Variants in MB21D2 observed in about 807,000 individuals in gnomAD.
MB21D2 encodes the protein nucleotidyltransferase MB21D2.
In MB21D2, 9 loss-of-function variants were observed where a neutral mutation model predicts 33.3. That is an observed-to-expected ratio of 0.27 (90% confidence interval 0.16 to 0.47). The LOEUF is 0.47. Ranked by LOEUF, MB21D2 falls within the 20% of genes least tolerant of loss-of-function variation. The probability of loss-of-function intolerance (pLI) is 0.99; values close to 1 mark genes in which losing one functional copy is unlikely to be tolerated. For synonymous variants in MB21D2, 241 were observed against 236.3 expected (o/e 1.02, Z -0.18); for missense variants, 540 against 624.6 (o/e 0.86, Z 1.44).
intron 1 of MB21D2, among the ~76,000 whole-genome samples, chr3:192,815,470 G>T (rs1238379360): frequency 6.6e-6 from 1 of 152,226 alleles, no homozygotes; most frequent in Non-Finnish European, 1.5e-5. Flanking sequence ...TAGCAATGTT[G>T]AAATGCTTTT....
intron 1 of MB21D2, among the ~76,000 whole-genome samples, chr3:192,877,921 T>C (rs1713468280): frequency 6.6e-6 from 1 of 151,828 alleles, no homozygotes; most frequent in Non-Finnish European, 1.5e-5. Flanking sequence ...AGTTAAAGAT[T>C]TGGGGTTCCC....
chr3:192,816,471 C>T (rs1415760233), intron 1 of MB21D2, among the ~76,000 whole-genome samples: 1 of 152,134 alleles, frequency 6.6e-6, no homozygotes, highest in Non-Finnish European at 1.5e-5. Context: ...AGAGGTCATG[C>T]CTTCCTAATT....
chr3:192,866,424 C>T (rs558547144), intron 1 of MB21D2, among the ~76,000 whole-genome samples: 1 of 152,246 alleles, frequency 6.6e-6, no homozygotes, highest in East Asian at 1.9e-4. Flanking sequence ...GAGAGGGGAA[C>T]TGACGCAAGG....
At chr3:192,841,133 A>G (rs556279269) in intron 1 of MB21D2, among the ~76,000 whole-genome samples, 1 of 152,372 alleles carries the variant, frequency 6.6e-6, no homozygotes, top group East Asian at 1.9e-4. Context: ...AAACAAAATA[A>G]TTATCTACAT....
chr3:192,839,374 C>T (rs1712519772), intron 1 of MB21D2, among the ~76,000 whole-genome samples: 1 of 152,144 alleles, frequency 6.6e-6, no homozygotes, highest in Non-Finnish European at 1.5e-5. Context: ...TTTCTTTCTG[C>T]TAAACCTGTC....
chr3:192,839,777 T>C (rs1181346554), intron 1 of MB21D2, among the ~76,000 whole-genome samples: 3 of 152,222 alleles, frequency 2.0e-5, no homozygotes, highest in Non-Finnish European at 4.4e-5. Flanking sequence ...TCAATCTATA[T>C]GTCAATCTAT....
At chr3:192,835,999 C>G (rs958070171) in intron 1 of MB21D2, among the ~76,000 whole-genome samples, 1 of 152,134 alleles carries the variant, frequency 6.6e-6, no homozygotes. Context: ...CTGGGTGTCT[C>G]TGAGGTGTTG....
intron 1 of MB21D2, among the ~76,000 whole-genome samples, chr3:192,859,654 G>A (rs761442403): frequency 2.0e-5 from 3 of 152,062 alleles, no homozygotes; most frequent in Admixed American, 6.6e-5. Flanking sequence ...AGACATATTA[G>A]GTACTCAATA....
At chr3:192,819,189 T>A (rs1711991708) in intron 1 of MB21D2, among the ~76,000 whole-genome samples, 1 of 151,902 alleles carries the variant, frequency 6.6e-6, no homozygotes, top group South Asian at 2.1e-4. Flanking sequence ...GAGATAGGAA[T>A]CAATGTTTAC....
intron 1 of MB21D2, 82 bp downstream of exon 1, chr3:192,917,548 T>C: frequency 6.8e-7 from 1 of 1,466,382 alleles, no homozygotes; most frequent in Admixed American, 1.7e-5. Flanking sequence ...AGGGAAGAGG[T>C]CGAGAAGCGG....
At chr3:192,855,036 G>A (rs1378831986) in intron 1 of MB21D2, among the ~76,000 whole-genome samples, 1 of 152,218 alleles carries the variant, frequency 6.6e-6, no homozygotes, top group East Asian at 1.9e-4. Context: ...TGCAACTCAT[G>A]TACCAATGAG....
rs374069138 is a variant in MB21D2, at chr3:192,799,698, A to C, written c.212-48T>G. The C allele has an allele frequency of 7.7e-6, 12 of 1,552,030 alleles. No individual in the cohort carries two copies. In the South Asian group the frequency reaches 1.5e-4, roughly 19 times the overall value. ...CAACACTATTACAGGAAACACAGAC[A>C]TAAGAGTCTTATGCATGAAACAGAA... On this transcript the variant is annotated intron_variant, in intron 1 of 1. Transcript: ENST00000392452. The surrounding 1 kb of genome is among the most constrained non-coding windows in gnomAD (Gnocchi z 4.1).
At chr3:192,899,678 A>C (rs1714051606) in intron 1 of MB21D2, among the ~76,000 whole-genome samples, 1 of 152,220 alleles carries the variant, frequency 6.6e-6, no homozygotes, top group African/African-American at 2.4e-5. Flanking sequence ...GACAGATGGT[A>C]GTGGCCTGGC....
intron 1 of MB21D2, among the ~76,000 whole-genome samples, chr3:192,909,066 C>T (rs1275469299): frequency 6.6e-6 from 1 of 151,452 alleles, no homozygotes; most frequent in African/African-American, 2.4e-5. Flanking sequence ...CCATCCTGGC[C>T]AACACAGTGA....
intron 1 of MB21D2, among the ~76,000 whole-genome samples, chr3:192,852,971 G>T (rs951571334): frequency 6.6e-6 from 1 of 151,802 alleles, no homozygotes; most frequent in Non-Finnish European, 1.5e-5. Flanking sequence ...ATTTCTGTTA[G>T]CTACTTTTCT....
intron 1 of MB21D2, among the ~76,000 whole-genome samples, chr3:192,878,605 C>G (rs1317131493): frequency 1.3e-5 from 2 of 152,166 alleles, no homozygotes; most frequent in Admixed American, 6.5e-5. Flanking sequence ...TCTTGCGGAC[C>G]TGACTGTGAA....
At chr3:192,849,325 G>A (rs1209581278) in intron 1 of MB21D2, among the ~76,000 whole-genome samples, 13 of 131,640 alleles carry the variant, frequency 9.9e-5, no homozygotes, top group African/African-American at 3.5e-4. Context: ...TTGGGGGGGG[G>A]GCGGGGGGTG....
At chr3:192,906,679 C>G (rs1053978313) in intron 1 of MB21D2, among the ~76,000 whole-genome samples, 1 of 152,300 alleles carries the variant, frequency 6.6e-6, no homozygotes, top group South Asian at 2.1e-4. Flanking sequence ...AGAGCACACA[C>G]CCCTGTTTAC....
At chr3:192,815,387 G>A (rs1450596599) in intron 1 of MB21D2, among the ~76,000 whole-genome samples, 2 of 152,168 alleles carry the variant, frequency 1.3e-5, no homozygotes, top group Non-Finnish European at 2.9e-5. Context: ...AAACCGAGAG[G>A]CTTGTTAAAA....
Sources: gnomAD v4.1 joint callset for allele counts (sites outside exome capture counted in the v4.1 genomes callset) on GRCh38, gnomAD v4.1.1 for gene constraint, Gnocchi (gnomAD v3.1) non-coding constraint, MANE v1.5 for transcripts, NCBI Gene and HGNC (gene_info 2026-07-23, HGNC 2026-07-21) for gene names.